Variants in KTN1 observed in about 807,000 individuals in gnomAD.
KTN1 encodes the protein kinectin 1, also known as kinectin.
A neutral mutation model predicts 222.5 loss-of-function variants in KTN1; 130 were observed. That is an observed-to-expected ratio of 0.58 (90% CI 0.51 to 0.68). The LOEUF (loss-of-function observed/expected upper bound fraction) is 0.68. KTN1 is among the 30% of genes least tolerant of loss of function. The pLI, the probability that KTN1 is intolerant of heterozygous loss-of-function variation, is 0.00. For synonymous variants in KTN1, 512 were observed against 496.3 expected, an observed-to-expected ratio of 1.03 and a Z score of -0.42; for missense variants, 1,508 against 1,500.4, an observed-to-expected ratio of 1.01 and a Z score of -0.08.
At chr14:55,662,996 G>A (rs938969297) in intron 32 of KTN1, 71 of 455,748 alleles carry the variant, frequency 1.6e-4, no homozygotes, top group Non-Finnish European at 4.4e-6. Flanking sequence ...AGATAGCAGT[G>A]TCAGTCTTTC....
chr14:55,659,762 C>G, intron 31 of KTN1, 59 bp downstream of exon 31: 1 of 989,920 alleles, frequency 1.0e-6, no homozygotes, highest in Non-Finnish European at 1.6e-6. Context: ...TGTGGTAAAC[C>G]ATTCTCAAAT....
rs770961347 is a variant in KTN1 at position 55,618,140 on chromosome 14, A to G, written c.832+6A>G. ...GAAGACCGAAACTGACAAAGGTAAT[A>G]TATGGGATTTATAGTCTTTGTTGTA... On this transcript the variant is annotated splice_donor_region_variant and intron_variant, in intron 4 of 43. Transcript: ENST00000395314. The G allele has an allele frequency of 5.6e-6, 9 of 1,604,640 alleles. No individual in the cohort carries two copies. Among genetic ancestry groups the G allele is most frequent in the Non-Finnish European group, 7.7e-6 (9 of 1,174,588 alleles).
chr14:55,674,119 A>G (rs2045692491), intron 40 of KTN1: 1 of 152,126 alleles, frequency 6.6e-6, no homozygotes, highest in Non-Finnish European at 1.5e-5. Flanking sequence ...TCCATGTACC[A>G]AGAAAACTTT....
At chr14:55,580,403 C>A (rs1325073435) in intron 1 of KTN1, 49 bp downstream of exon 1, 1 of 145,848 alleles carries the variant, frequency 6.9e-6, no homozygotes, top group Non-Finnish European at 1.5e-5. Context: ...GCGGGGAGCG[C>A]GGGGGGAGGC....
intron 35 of KTN1, 99 bp downstream of exon 35, chr14:55,670,908 A>G (rs2045385777): frequency 5.5e-6 from 4 of 728,792 alleles, no homozygotes; most frequent in South Asian, 2.1e-5. Flanking sequence ...AGATAATCGA[A>G]TAAGGCTCTT....
intron 21 of KTN1, 133 bp downstream of exon 21, chr14:55,649,003 G>A (rs756119153): frequency 1.8e-4 from 117 of 632,728 alleles, no homozygotes; most frequent in Admixed American, 4.7e-4. Context: ...ATAACTCACC[G>A]TAACCTCGAA....
chr14:55,636,563 C>T, intron 10 of KTN1, 27 bp downstream of exon 10: 2 of 1,541,420 alleles, frequency 1.3e-6, no homozygotes, highest in Non-Finnish European at 1.8e-6. Context: ...TTCATGTAAA[C>T]TTTGTATATA....
chr14:55,641,043 G>T, intron 16 of KTN1, 73 bp downstream of exon 16: 1 of 1,475,928 alleles, frequency 6.8e-7, no homozygotes, highest in Non-Finnish European at 9.4e-7. Context: ...AAATATTGCT[G>T]CTTATAACTG....
chr14:55,648,540 T>C (rs574516827), intron 20 of KTN1, among the ~76,000 whole-genome samples: 3 of 152,300 alleles, frequency 2.0e-5, no homozygotes, highest in Admixed American at 2.0e-4. Context: ...AACTAACAAG[T>C]TGTATACTGT....
chr14:55,683,731 C>A, intron 43 of KTN1: 3 of 171,540 alleles, frequency 1.7e-5, no homozygotes, highest in Non-Finnish European at 2.4e-5. Flanking sequence ...AAATCTATTT[C>A]TGCTCTTTTA....
intron 11 of KTN1, 27 bp downstream of exon 11, chr14:55,637,391 A>G (rs570462228): frequency 3.9e-6 from 5 of 1,267,688 alleles, no homozygotes; most frequent in Admixed American, 2.3e-5. Context: ...TTTTTTTTTT[A>G]AAAAAATACA....
Position 55,659,314 on chromosome 14 carries a change from T to G in KTN1, c.2962-352T>G, listed in dbSNP as rs530108447. On this transcript the variant is annotated intron_variant, in intron 30 of 43. Transcript: ENST00000395314. ...GTTTTGCTTTTGATTTCTGTTTTTT[T>G]TTTTTTTTTTTAACTTGGAAGCTTA... Among the ~76,000 whole-genome samples, 1,518 of 151,820 alleles carry G rather than the reference T, an allele frequency of 1.0e-2. 27 individuals are homozygous for G. Among genetic ancestry groups the G allele is most frequent in the Non-Finnish European group, 0.015 (986 of 67,850 alleles).
At position 55,650,653 on chromosome 14, in the gene KTN1, C is replaced by T. The variant is rs944105302; in HGVS notation, c.2565+16C>T. On this transcript the variant is annotated intron_variant, in intron 24 of 43. Transcript: ENST00000395314. ...GGCTCAACAGGTAAAAATCCCAGAGCCATAGCATGACAGATTTATTAGTTG... is the reference window on the plus strand; with the variant it reads ...GGCTCAACAGGTAAAAATCCCAGAGTCATAGCATGACAGATTTATTAGTTG... The T allele has an allele frequency of 1.9e-6, 3 of 1,567,876 alleles. No homozygotes were observed. The highest frequency in any genetic ancestry group is 2.6e-6 in the Non-Finnish European group (3 of 1,141,800).
At chr14:55,590,790 A>G (rs1319582881) in intron 1 of KTN1, among the ~76,000 whole-genome samples, 1 of 151,512 alleles carries the variant, frequency 6.6e-6, no homozygotes, top group Non-Finnish European at 1.5e-5. Context: ...ATTTTCCTGC[A>G]TCAGCCTCTT....
At chr14:55,594,252 G>A (rs1002153381) in intron 1 of KTN1, among the ~76,000 whole-genome samples, 3 of 152,100 alleles carry the variant, frequency 2.0e-5, no homozygotes, top group Non-Finnish European at 4.4e-5. Context: ...TATTCACAGT[G>A]TATCCTGAGT....
chr14:55,676,417 A>G (rs1380760948), intron 41 of KTN1, among the ~76,000 whole-genome samples: 2 of 152,120 alleles, frequency 1.3e-5, no homozygotes, highest in Non-Finnish European at 1.5e-5. Context: ...GTTATTTGTA[A>G]TTCTGTTTTG....
chr14:55,643,205 C>T (rs557797145), intron 18 of KTN1, among the ~76,000 whole-genome samples: 2 of 152,250 alleles, frequency 1.3e-5, no homozygotes, highest in South Asian at 2.1e-4. Flanking sequence ...CCACTGTGCC[C>T]AGCTAAGGCT....
intron 2 of KTN1, among the ~76,000 whole-genome samples, chr14:55,615,154 T>G (rs989296054): frequency 3.3e-5 from 5 of 152,186 alleles, no homozygotes; most frequent in African/African-American, 1.2e-4. Context: ...TGGGAACTGA[T>G]AGGAGATAAT....
intron 29 of KTN1, 93 bp from the exon 30 acceptor site, chr14:55,658,453 T>C: frequency 1.3e-6 from 1 of 755,260 alleles, no homozygotes; most frequent in Non-Finnish European, 2.3e-6. Context: ...TTGGAATTTT[T>C]CTAGCTTGTA....
Sources: gnomAD v4.1 joint callset for allele counts (sites outside exome capture counted in the v4.1 genomes callset) on GRCh38, gnomAD v4.1.1 for gene constraint, MANE v1.5 for transcripts, NCBI Gene and HGNC (gene_info 2026-07-23, HGNC 2026-07-21) for gene names.